Variants in USP32 observed in about 807,000 individuals in gnomAD.
USP32 encodes ubiquitin specific peptidase 32, also known as ubiquitin carboxyl-terminal hydrolase 32.
A neutral mutation model predicts 204.8 loss-of-function variants in USP32; 59 were observed. That is an observed-to-expected ratio of 0.29 (90% CI 0.23 to 0.36). USP32 has a LOEUF of 0.36. Among genes scored for constraint, USP32 ranks in the 10% least tolerant of loss-of-function variants. The pLI is 1.00. For missense variants in USP32, 1,160 were observed against 1,946.4 expected, an observed-to-expected ratio of 0.60 and a Z score of 7.60; for synonymous variants, 517 against 678.4, an observed-to-expected ratio of 0.76 and a Z score of 3.70.
At chr17:60,262,954 C>CTT (rs918942350) in intron 9 of USP32, among the ~76,000 whole-genome samples, 3 of 146,838 alleles carry the variant, frequency 2.0e-5, no homozygotes, top group Non-Finnish European at 4.5e-5. Flanking sequence ...TGGTGCTAAC[C>CTT]TTTTTTTTTT....
chr17:60,407,319 A>T (rs1192792234), intron 1 of USP32, among the ~76,000 whole-genome samples: 2 of 152,198 alleles, frequency 1.3e-5, no homozygotes, highest in African/African-American at 4.8e-5. Context: ...GAGACTGAGC[A>T]AAGAACAATT....
chr17:60,400,789 G>C (rs2089929068), intron 1 of USP32, among the ~76,000 whole-genome samples: 1 of 152,170 alleles, frequency 6.6e-6, no homozygotes, highest in African/African-American at 2.4e-5. Flanking sequence ...GGGATGCTGA[G>C]TCGGGGGGAT....
intron 3 of USP32, among the ~76,000 whole-genome samples, chr17:60,299,239 T>G (rs1413169811): frequency 1.3e-5 from 2 of 152,232 alleles, no homozygotes; most frequent in Non-Finnish European, 2.9e-5. Context: ...AATAAAACTT[T>G]TCTTAAAAAT....
intron 1 of USP32, among the ~76,000 whole-genome samples, chr17:60,418,833 A>T (rs892022765): frequency 1.3e-5 from 2 of 152,236 alleles, no homozygotes; most frequent in African/African-American, 4.8e-5. Flanking sequence ...CACACCAGTC[A>T]GAATGATGAT....
At chr17:60,349,630 ATATATATATATATT>A (rs2088896191) in intron 1 of USP32, among the ~76,000 whole-genome samples, 3 of 104,300 alleles carry the variant, frequency 2.9e-5, no homozygotes, top group African/African-American at 1.2e-4. Flanking sequence ...TATATTATAT[ATATATATATATATT>A]ATATATATAC....
chr17:60,198,491 G>A, intron 26 of USP32, 47 bp from the exon 27 acceptor site: 1 of 1,600,392 alleles, frequency 6.2e-7, no homozygotes, highest in Non-Finnish European at 8.5e-7. Context: ...ACAGGCCTCT[G>A]ATTCCTCCCT....
chr17:60,212,041 T>G lies in USP32; in HGVS notation c.2162A>C (p.Lys721Thr). The change falls in exon 19 of 34, where the codon AAA (lysine) becomes ACA (threonine). Residue 721 changes from lysine to threonine, a missense_variant. By Grantham distance (78) the Lys-to-Thr change is moderately conservative. Coordinates refer to ENST00000300896, the MANE Select transcript of USP32 (RefSeq NM_032582.4). ...EEMSFIANSSKIDRHKVPTEK... is the reference protein window; with the variant it reads ...EEMSFIANSSTIDRHKVPTEK... Reference sequence around the variant, plus strand: ...AGACTTACCCTTGTGTCTATCTATTTTACTACTATTTGCTATAAAAGACAT... The same window carrying G: ...AGACTTACCCTTGTGTCTATCTATTGTACTACTATTTGCTATAAAAGACAT... 1 of 1,601,010 alleles carries G rather than the reference T, an allele frequency of 6.2e-7. No homozygotes were observed. Among genetic ancestry groups the G allele is most frequent in the Non-Finnish European group, 8.5e-7 (1 of 1,171,164 alleles).
chr17:60,308,160 T>C (rs911206816), intron 2 of USP32, among the ~76,000 whole-genome samples: 1 of 152,192 alleles, frequency 6.6e-6, no homozygotes, highest in Non-Finnish European at 1.5e-5. Context: ...CCGACTTTTC[T>C]GGTACATCAA....
At chr17:60,322,355 T>C (rs1373919868) in intron 2 of USP32, among the ~76,000 whole-genome samples, 1 of 152,162 alleles carries the variant, frequency 6.6e-6, no homozygotes. Flanking sequence ...CTTAAATCAA[T>C]GAATTTAATA....
rs1316005067 is a variant in USP32, at chr17:60,301,584, A to T, written c.292+15T>A. 6.7e-7 allele frequency: 1 copy of T among 1,490,104 alleles called. No homozygotes were observed. The highest frequency in any genetic ancestry group is 9.1e-7 in the Non-Finnish European group (1 of 1,097,016). The allele number at this position is 1,490,104 out of a possible 1,614,324, so 92.3% of individuals were successfully genotyped here. A position where few individuals can be genotyped will look rare whatever the true frequency, so the allele number is the denominator to read the frequency against. ...TACATAGACGAATTATTTTTGAGATAATAAAAGTACTTACATTTTGCTTTC... is the reference window on the plus strand; with the variant it reads ...TACATAGACGAATTATTTTTGAGATTATAAAAGTACTTACATTTTGCTTTC... On this transcript the variant is annotated intron_variant, in intron 3 of 33. Transcript: ENST00000300896.
chr17:60,203,462 A>G (rs1160220328), intron 26 of USP32, among the ~76,000 whole-genome samples: 1 of 151,718 alleles, frequency 6.6e-6, no homozygotes, highest in African/African-American at 2.4e-5. Context: ...ATTTGTGGTA[A>G]TTTGTTATAA....
At chr17:60,243,206 T>C (rs2085924709) in intron 11 of USP32, among the ~76,000 whole-genome samples, 1 of 152,236 alleles carries the variant, frequency 6.6e-6, no homozygotes, top group Non-Finnish European at 1.5e-5. Context: ...TAATCATTGA[T>C]CTTGTATCCT....
intron 1 of USP32, among the ~76,000 whole-genome samples, chr17:60,381,734 A>C (rs2089650889): frequency 2.0e-5 from 3 of 152,050 alleles, no homozygotes; most frequent in Admixed American, 1.3e-4. Context: ...TCCCCCTCTT[A>C]TCTCTCCTAT....
chr17:60,245,641 C>T (rs1598133173), intron 11 of USP32: 1 of 266,048 alleles, frequency 3.8e-6, no homozygotes, highest in East Asian at 1.0e-4. Flanking sequence ...GGTCTGAGGG[C>T]AGCTATGATG....
chr17:60,255,577 C>A (rs2086281501), intron 9 of USP32, among the ~76,000 whole-genome samples: 1 of 152,136 alleles, frequency 6.6e-6, no homozygotes, highest in Non-Finnish European at 1.5e-5. Context: ...GGATTACAGG[C>A]ATCTGCCATG....
intron 5 of USP32, among the ~76,000 whole-genome samples, chr17:60,284,633 T>C (rs1203981408): frequency 2.0e-5 from 3 of 149,254 alleles, no homozygotes; most frequent in Admixed American, 6.6e-5. Flanking sequence ...TGAAAATTAT[T>C]TGACTGATTA....
At chr17:60,388,148 T>C (rs1039258713) in intron 1 of USP32, among the ~76,000 whole-genome samples, 4 of 152,150 alleles carry the variant, frequency 2.6e-5, no homozygotes, top group African/African-American at 9.7e-5. Flanking sequence ...ACATAACTTT[T>C]TGACACACTA....
chr17:60,301,603 T>C lies in USP32; in HGVS notation c.288A>G (p.Ala96=). Reference sequence around the variant, plus strand: ...TGAGATAATAAAAGTACTTACATTTTGCTTTCTCTTCATCTTTGCCTCTTG... The same window carrying C: ...TGAGATAATAAAAGTACTTACATTTCGCTTTCTCTTCATCTTTGCCTCTTG... The part of the protein sequence containing the change: ...LLTRGKDEEK[A]KYIFSLFSSE... Residue 96 remains alanine (A), a synonymous_variant, in exon 3 of 34, where the codon GCA becomes GCG. Transcript: ENST00000300896. 6.4e-7 allele frequency: 1 copy of C among 1,568,140 alleles called. No individual in the cohort carries two copies.
chr17:60,251,455 A>C (rs557484850), intron 11 of USP32, among the ~76,000 whole-genome samples: 5 of 152,208 alleles, frequency 3.3e-5, no homozygotes, highest in Non-Finnish European at 5.9e-5. Flanking sequence ...CCATCTATCC[A>C]GAAACCCAAG....
Sources: gnomAD v4.1 joint callset for allele counts (sites outside exome capture counted in the v4.1 genomes callset) on GRCh38, gnomAD v4.1.1 for gene constraint, MANE v1.5 for transcripts, NCBI Gene and HGNC (gene_info 2026-07-23, HGNC 2026-07-21) for gene names.